CACNG3: variants seen among roughly 807,000 people sequenced by gnomAD.
CACNG3 encodes the protein calcium voltage-gated channel auxiliary subunit gamma 3, also known as voltage-dependent calcium channel gamma-3 subunit.
In CACNG3, 3 loss-of-function variants were observed where a neutral mutation model predicts 28.5. That is an observed-to-expected ratio of 0.11 (90% CI 0.05 to 0.27). The LOEUF (loss-of-function observed/expected upper bound fraction) is 0.27. CACNG3 is among the 10% of genes least tolerant of loss of function. The pLI is 1.00. For synonymous variants in CACNG3, 174 were observed against 162.2 expected, an observed-to-expected ratio of 1.07 and a Z score of -0.55; for missense variants, 236 against 414.4, an observed-to-expected ratio of 0.57 and a Z score of 3.74.
Position 24,301,559 on chromosome 16 carries a change from C to T in CACNG3, c.211+44594C>T, listed in dbSNP as rs944676739. Among the ~76,000 whole-genome samples the T allele has an allele frequency of 2.6e-5, 4 of 152,046 alleles. No individual in the cohort carries two copies. The East Asian group carries it at 5.8e-4, about 22-fold the overall frequency. The stretch of plus-strand genomic sequence containing the variant: ...CAGGCAGGAAAGGACTTCAGCCTGC[C>T]CAGTGATTATACATTTCTCATTCTC... On this transcript the variant is annotated intron_variant, in intron 1 of 3. Coordinates refer to ENST00000005284, the MANE Select transcript of CACNG3 (RefSeq NM_006539.4).
chr16:24,350,252 T>C (rs778367115), intron 2 of CACNG3, among the ~76,000 whole-genome samples: 1 of 152,116 alleles, frequency 6.6e-6, no homozygotes. Context: ...TCCCAAATGA[T>C]GATTGCACCA....
intron 2 of CACNG3, among the ~76,000 whole-genome samples, chr16:24,348,274 A>G (rs1221630246): frequency 3.3e-5 from 5 of 151,790 alleles, no homozygotes; most frequent in Non-Finnish European, 2.9e-5. Context: ...ATGGTAGTGC[A>G]CACCCTTAGT....
chr16:24,270,916 A>AT, intron 1 of CACNG3, among the ~76,000 whole-genome samples: 1 of 152,312 alleles, frequency 6.6e-6, no homozygotes, highest in South Asian at 2.1e-4. Flanking sequence ...TTCCAGGCAG[A>AT]TGGATCAGCA....
At position 24,353,569 on chromosome 16, in the gene CACNG3, T is replaced by C. The variant is rs140364092; in HGVS notation, c.296-1264T>C. 1.8e-3 allele frequency among the ~76,000 whole-genome samples: 272 copies of C among 152,284 alleles called. 3 individuals carry two copies. The highest frequency in any genetic ancestry group is 0.012 in the Admixed American group (176 of 15,302). ...AAGCTGACACAGGGACCTCCAGGAC[T>C]CTGCTTCGACTCCTCAGCCAGTGTC... On this transcript the variant is annotated intron_variant, in intron 2 of 3. Transcript: ENST00000005284.
At chr16:24,264,211 C>A (rs1483520465) in intron 1 of CACNG3, among the ~76,000 whole-genome samples, 1 of 152,230 alleles carries the variant, frequency 6.6e-6, no homozygotes, top group African/African-American at 2.4e-5. Flanking sequence ...TTGCCCTATA[C>A]GAGGCTGCCT....
chr16:24,268,000 T>G (rs894534471), intron 1 of CACNG3, among the ~76,000 whole-genome samples: 1 of 152,184 alleles, frequency 6.6e-6, no homozygotes, highest in Non-Finnish European at 1.5e-5. Context: ...TGAGCATTTA[T>G]TCATTTATTT....
intron 1 of CACNG3, among the ~76,000 whole-genome samples, chr16:24,319,592 T>TTTTA (rs961525182): frequency 8.6e-5 from 8 of 93,066 alleles, no homozygotes; most frequent in South Asian, 4.2e-4. Flanking sequence ...CATGCCTGGC[T>TTTTA]TTTATTTATT....
chr16:24,280,845 A>AAAAAAAAC (rs1898817136), intron 1 of CACNG3, among the ~76,000 whole-genome samples: 1 of 147,178 alleles, frequency 6.8e-6, no homozygotes. Flanking sequence ...AAAAAAAAAA[A>AAAAAAAAC]GACCAGACCG....
At chr16:24,305,515 T>A (rs1417344171) in intron 1 of CACNG3, among the ~76,000 whole-genome samples, 8 of 152,118 alleles carry the variant, frequency 5.3e-5, no homozygotes, top group South Asian at 2.1e-4. Context: ...AATATTTTTT[T>A]AAATTATTTT....
intron 1 of CACNG3, among the ~76,000 whole-genome samples, chr16:24,329,385 G>T (rs1176710853): frequency 6.6e-6 from 1 of 152,210 alleles, no homozygotes; most frequent in Non-Finnish European, 1.5e-5. Flanking sequence ...GTCCAGGGTA[G>T]CTGGAGACAG....
At chr16:24,260,328 C>T (rs1012695131) in intron 1 of CACNG3, among the ~76,000 whole-genome samples, 3 of 152,170 alleles carry the variant, frequency 2.0e-5, no homozygotes, top group Non-Finnish European at 2.9e-5. Flanking sequence ...ATAAGCTAAC[C>T]TACCAGAATA....
intron 1 of CACNG3, among the ~76,000 whole-genome samples, chr16:24,284,904 G>T (rs985993556): frequency 1.3e-5 from 2 of 151,784 alleles, no homozygotes; most frequent in African/African-American, 4.8e-5. Context: ...TAAAATCATT[G>T]AAGGGGAAAG....
At chr16:24,346,708 C>T (rs577728796) in intron 1 of CACNG3, 26 bp from the exon 2 acceptor site, 1 of 1,584,902 alleles carries the variant, frequency 6.3e-7, no homozygotes, top group South Asian at 1.1e-5. Flanking sequence ...CTCCCCCAGG[C>T]TCAGAACCCT....
chr16:24,355,880 G>A (rs189375471), intron 3 of CACNG3, among the ~76,000 whole-genome samples: 3 of 152,270 alleles, frequency 2.0e-5, no homozygotes, highest in East Asian at 1.9e-4. Context: ...CCAGCAGCCC[G>A]AGATGCTCTG....
At chr16:24,305,167 TG>T in intron 1 of CACNG3, among the ~76,000 whole-genome samples, 1 of 152,094 alleles carries the variant, frequency 6.6e-6, no homozygotes, top group Non-Finnish European at 1.5e-5. Flanking sequence ...TGTGCCATTC[TG>T]GTGGGGGATG....
intron 3 of CACNG3, among the ~76,000 whole-genome samples, chr16:24,360,110 T>C (rs1036384864): frequency 1.3e-5 from 2 of 152,144 alleles, no homozygotes; most frequent in African/African-American, 4.8e-5. Context: ...GAAACTATAA[T>C]GAGGGACAAC....
At chr16:24,261,937 A>G (rs1047242415) in intron 1 of CACNG3, among the ~76,000 whole-genome samples, 3 of 152,192 alleles carry the variant, frequency 2.0e-5, no homozygotes, top group Admixed American at 2.0e-4. Context: ...GTGGTTGAGG[A>G]TGGAGGTGAG....
chr16:24,262,495 G>A (rs1300746961), intron 1 of CACNG3, among the ~76,000 whole-genome samples: 2 of 152,116 alleles, frequency 1.3e-5, no homozygotes, highest in Non-Finnish European at 2.9e-5. Context: ...AACAACAACT[G>A]GCCCAAGTCT....
chr16:24,310,522 C>A (rs1899247045), intron 1 of CACNG3, among the ~76,000 whole-genome samples: 1 of 152,214 alleles, frequency 6.6e-6, no homozygotes, highest in South Asian at 2.1e-4. Flanking sequence ...CGAGATTGCA[C>A]CACTGCACTC....
Sources: allele counts gnomAD v4.1 joint callset (sites outside exome capture counted in the v4.1 genomes callset), GRCh38; gene constraint gnomAD v4.1.1; transcripts MANE v1.5; gene names NCBI Gene and HGNC (gene_info 2026-07-23, HGNC 2026-07-21).